Variants in MCCC2 observed in about 807,000 individuals in gnomAD.
MCCC2 encodes methylcrotonyl-CoA carboxylase subunit 2.
Under a neutral mutation model 77.2 loss-of-function variants are expected in MCCC2, and 52 were observed. That is an observed-to-expected ratio of 0.67 (90% confidence interval 0.54 to 0.85). The LOEUF is 0.85. Ranked by LOEUF, MCCC2 falls within the 40% of genes least tolerant of loss-of-function variation. MCCC2 has a pLI of 0.00. For missense variants in MCCC2, 682 were observed against 703.2 expected (o/e 0.97, Z 0.34); for synonymous variants, 253 against 248.4 (o/e 1.02, Z -0.18).
At chr5:71,593,923 A>G (rs1745078027) in intron 2 of MCCC2, among the ~76,000 whole-genome samples, 1 of 152,180 alleles carries the variant, frequency 6.6e-6, no homozygotes, top group South Asian at 2.1e-4. Context: ...AGTATGGTCT[A>G]GAATTGCTTA....
At chr5:71,620,452 A>T (rs1464540945) in intron 6 of MCCC2, among the ~76,000 whole-genome samples, 1 of 152,142 alleles carries the variant, frequency 6.6e-6, no homozygotes, top group Non-Finnish European at 1.5e-5. Context: ...GTTATATTAC[A>T]TTTATCACAG....
At chr5:71,621,528 A>G (rs962725075) in intron 6 of MCCC2, among the ~76,000 whole-genome samples, 1 of 152,052 alleles carries the variant, frequency 6.6e-6, no homozygotes, top group African/African-American at 2.4e-5. Context: ...CGGGAAGTCA[A>G]GGCTGCAGTG....
intron 3 of MCCC2, among the ~76,000 whole-genome samples, chr5:71,596,932 T>A (rs1285000310): frequency 2.6e-5 from 4 of 151,026 alleles, no homozygotes; most frequent in Non-Finnish European, 5.9e-5. Context: ...AGAGCGAGAC[T>A]CTGTCTCAAA....
chr5:71,587,545 C>T lies in MCCC2; in HGVS notation c.120C>T (p.Ala40=), dbSNP rs2112251744. ...SLGTQPDLGS[A]LYQENYKQMK... is the part of the protein sequence containing the mutation. ...GCACCCAGCCGGACTTGGGCTCTGC[C>T]CTCTACCAGGTAGGCTGAGCGCCCC... The change falls in exon 1 of 17, where the codon GCC becomes GCT. Residue 40 remains alanine (A), a synonymous_variant. Coordinates refer to ENST00000340941, the MANE Select transcript of MCCC2 (RefSeq NM_022132.5). The T allele has an allele frequency of 6.5e-7, 1 of 1,537,742 alleles. No individual in the cohort carries two copies. The highest frequency in any genetic ancestry group is 8.7e-7 in the Non-Finnish European group (1 of 1,146,110).
At chr5:71,593,089 ATT>A (rs72536613) in intron 2 of MCCC2, 97 bp downstream of exon 2, 5,813 of 777,080 alleles carry the variant, frequency 7.5e-3, no homozygotes, top group Non-Finnish European at 7.9e-3. Context: ...AGCTTTTGAT[ATT>A]TTTTTTTTTT....
intron 2 of MCCC2, 119 bp downstream of exon 2, chr5:71,593,111 G>A (rs940564307): frequency 3.4e-5 from 28 of 830,242 alleles, no homozygotes; most frequent in African/African-American, 3.0e-4. Flanking sequence ...TTTTTGAGAT[G>A]GAGTCTTGCT....
chr5:71,650,552 C>T (rs1201611711), intron 15 of MCCC2, among the ~76,000 whole-genome samples: 2 of 152,164 alleles, frequency 1.3e-5, no homozygotes, highest in South Asian at 2.1e-4. Context: ...GCAGCCTCCA[C>T]CTCCTGGGTT....
chr5:71,596,334 G>A lies in MCCC2; in HGVS notation c.251G>A (p.Arg84Lys). 6.2e-7 allele frequency: 1 copy of A among 1,614,162 alleles called. No homozygotes were observed. Among genetic ancestry groups the A allele is most frequent in the Non-Finnish European group, 8.5e-7 (1 of 1,180,034 alleles). ...LHISRGKLLPRERIDNLIDPG... is the reference protein window; with the variant it reads ...LHISRGKLLPKERIDNLIDPG... ...ATATCAAGAGGAAAACTATTGCCCAGAGAAAGAATTGACAATCTCATAGAC... is the reference window on the plus strand; with the variant it reads ...ATATCAAGAGGAAAACTATTGCCCAAAGAAAGAATTGACAATCTCATAGAC... Residue 84 changes from arginine (R) to lysine (K), a missense_variant, in exon 3 of 17, where the codon AGA becomes AAA. Arg to Lys is a conservative substitution (Grantham distance 26). Transcript: ENST00000340941.
intron 2 of MCCC2, among the ~76,000 whole-genome samples, chr5:71,593,495 G>T (rs373466382): frequency 6.6e-6 from 1 of 151,528 alleles, no homozygotes; most frequent in Non-Finnish European, 1.5e-5. Flanking sequence ...TACCACTTTT[G>T]GGGGGAAAAG....
intron 6 of MCCC2, among the ~76,000 whole-genome samples, chr5:71,605,314 G>T (rs1335440575): frequency 6.6e-6 from 1 of 150,866 alleles, no homozygotes; most frequent in Non-Finnish European, 1.5e-5. Flanking sequence ...GTTTTGATTT[G>T]CATTTCTCTG....
intron 6 of MCCC2, among the ~76,000 whole-genome samples, chr5:71,605,429 G>T (rs1307020400): frequency 2.0e-5 from 3 of 152,132 alleles, no homozygotes; most frequent in East Asian, 3.9e-4. Flanking sequence ...TGATGGGGTT[G>T]TTTGTTTTTT....
chr5:71,637,035 C>T (rs1335577530), intron 10 of MCCC2, among the ~76,000 whole-genome samples: 4 of 152,104 alleles, frequency 2.6e-5, no homozygotes, highest in African/African-American at 9.7e-5. Context: ...TGAGCCACCA[C>T]ACCTGGCCAA....
Position 71,626,684 on chromosome 5 carries a change from G to T in MCCC2, c.669G>T (p.Val223=), listed in dbSNP as rs1180102367. Residue 223 remains valine, a synonymous_variant, in exon 7 of 17, where the codon GTG becomes GTT. Coordinates refer to ENST00000340941, the MANE Select transcript of MCCC2 (RefSeq NM_022132.5). ...CCTGCACCGCAGGAGGAGCCTATGT[G>T]CCTGCCATGGCTGATGAAAACATCA... ...MGSCTAGGAY[V]PAMADENIIV... 2 of 1,614,014 alleles carry T rather than the reference G, an allele frequency of 1.2e-6. No homozygotes were observed. The highest frequency in any genetic ancestry group is 2.7e-5 in the African/African-American group (2 of 74,896).
intron 6 of MCCC2, among the ~76,000 whole-genome samples, chr5:71,606,943 A>G (rs1745704459): frequency 6.6e-6 from 1 of 151,264 alleles, no homozygotes; most frequent in Non-Finnish European, 1.5e-5. Context: ...ATCATGGTGG[A>G]TAAGCTTTTT....
intron 11 of MCCC2, among the ~76,000 whole-genome samples, chr5:71,642,077 C>G (rs530073355): frequency 6.6e-6 from 1 of 152,344 alleles, no homozygotes; most frequent in Non-Finnish European, 1.5e-5. Flanking sequence ...TCTTTGTCAT[C>G]TGCTTTTATG....
intron 8 of MCCC2, among the ~76,000 whole-genome samples, chr5:71,634,328 A>G (rs1442748440): frequency 6.6e-6 from 1 of 152,162 alleles, no homozygotes; most frequent in African/African-American, 2.4e-5. Context: ...CTGCCACAGA[A>G]CCGTTTTACT....
chr5:71,653,671 A>G (rs1039819090), intron 16 of MCCC2, among the ~76,000 whole-genome samples: 1 of 152,002 alleles, frequency 6.6e-6, no homozygotes, highest in African/African-American at 2.4e-5. Context: ...CAACATGGTG[A>G]GACCCAGTCT....
intron 15 of MCCC2, 51 bp from the exon 16 acceptor site, chr5:71,652,618 A>T (rs1433833643): frequency 2.2e-6 from 3 of 1,375,808 alleles, no homozygotes; most frequent in Non-Finnish European, 2.1e-6. Context: ...TGATCTAAAC[A>T]GGGCCAGTTG....
intron 4 of MCCC2, among the ~76,000 whole-genome samples, chr5:71,602,058 T>G (rs1301136128): frequency 6.6e-6 from 1 of 152,206 alleles, no homozygotes; most frequent in African/African-American, 2.4e-5. Flanking sequence ...AAATAAATCT[T>G]AGTACTAAAG....
Sources: gnomAD v4.1 joint callset for allele counts (sites outside exome capture counted in the v4.1 genomes callset) on GRCh38, gnomAD v4.1.1 for gene constraint, MANE v1.5 for transcripts, NCBI Gene and HGNC (gene_info 2026-07-23, HGNC 2026-07-21) for gene names.